ZNF320: variants seen among roughly 807,000 people sequenced by gnomAD.
ZNF320 encodes zinc finger protein 320, also known as zinc finger gene 320.
A neutral mutation model predicts 6.8 loss-of-function variants in ZNF320; 2 were observed. That is an observed-to-expected ratio of 0.29 (90% CI 0.12 to 0.93). The LOEUF is 0.93. ZNF320 is among the 40% of genes least tolerant of loss of function. The pLI is 0.55. For synonymous variants in ZNF320, 208 were observed against 203.2 expected (o/e 1.02, Z -0.20); for missense variants, 472 against 611.0 (o/e 0.77, Z 2.40).
chr19:52,864,109 C>A lies in ZNF320; in HGVS notation c.274G>T (p.Glu92Ter). Residue 92 changes from glutamate (E) to a stop codon, truncating the protein, a stop_gained, in exon 6 of 6, where the codon GAA (glutamate) becomes TAA (stop). Coordinates refer to the ZNF320 transcript ENST00000673631. LOFTEE classifies it low-confidence loss of function (END_TRUNC). Reference sequence around the variant, plus strand: ...CGTTCTGTGCAGGGTCCAGGCGTTTCCACTCCAGCAAAGAGAACTCTATAG... The same window carrying A: ...CGTTCTGTGCAGGGTCCAGGCGTTTACACTCCAGCAAAGAGAACTCTATAG... 1 of 341,724 alleles carries A rather than the reference C, an allele frequency of 2.9e-6. No individual in the cohort carries two copies. The highest frequency in any genetic ancestry group is 4.4e-4 in the Middle Eastern group (1 of 2,254). The allele number at this position is 341,724 out of a possible 1,614,324, so 21.2% of individuals were successfully genotyped here. A position where few individuals can be genotyped will look rare whatever the true frequency, so the allele number is the denominator to read the frequency against.
chr19:52,899,077 T>C (rs1476716900), upstream of ZNF320, among the ~76,000 whole-genome samples: 2 of 152,224 alleles, frequency 1.3e-5, no homozygotes, highest in Admixed American at 6.5e-5. Context: ...TTTTGTGTAA[T>C]AGATTGATAG....
chr19:52,870,477 CAAA>C (rs35010241), intron 5 of ZNF320, among the ~76,000 whole-genome samples: 11 of 89,470 alleles, frequency 1.2e-4, no homozygotes, highest in Admixed American at 2.6e-4. Context: ...GACTCCGTCT[CAAA>C]AAAAAAAAAA....
chr19:52,880,594 T>A lies in ZNF320; in HGVS notation c.*2A>T. On this transcript the variant is annotated 3_prime_UTR_variant, in exon 6 of 6. Transcript: ENST00000682928. ...CAGGTCAATGCTGATTTGACTCTGA[T>A]GTCAATTAATGCTTGATGGTTTGCT... 1 of 1,589,502 alleles carries A rather than the reference T, an allele frequency of 6.3e-7. No individual in the cohort carries two copies. The highest frequency in any genetic ancestry group is 8.5e-7 in the Non-Finnish European group (1 of 1,169,664).
intron 3 of ZNF320, among the ~76,000 whole-genome samples, chr19:52,890,822 C>T (rs1216841881): frequency 6.6e-6 from 1 of 151,942 alleles, no homozygotes; most frequent in African/African-American, 2.4e-5. Flanking sequence ...CGAGACCAGC[C>T]TGGCCAACAT....
At chr19:52,889,992 C>T (rs764248989) in intron 4 of ZNF320, among the ~76,000 whole-genome samples, 4 of 152,140 alleles carry the variant, frequency 2.6e-5, no homozygotes, top group East Asian at 1.9e-4. Context: ...ACCCTCACCC[C>T]GTCTCCATCC....
chr19:52,869,526 TA>T (rs2063640900), intron 5 of ZNF320, among the ~76,000 whole-genome samples: 1 of 151,982 alleles, frequency 6.6e-6, no homozygotes, highest in African/African-American at 2.4e-5. Context: ...ACAATAATAA[TA>T]ATAATGACAG....
chr19:52,869,438 G>T (rs2063639061), intron 5 of ZNF320, among the ~76,000 whole-genome samples: 1 of 152,206 alleles, frequency 6.6e-6, no homozygotes, highest in Admixed American at 6.5e-5. Flanking sequence ...TGGATGTGAA[G>T]AATTCCCTGG....
intron 5 of ZNF320, among the ~76,000 whole-genome samples, chr19:52,866,239 T>C (rs1384626414): frequency 1.4e-5 from 2 of 146,594 alleles, no homozygotes; most frequent in Non-Finnish European, 3.0e-5. Context: ...TATACATATA[T>C]ATATATATAA....
At chr19:52,896,092 T>A (rs575471537) in intron 1 of ZNF320, among the ~76,000 whole-genome samples, 2 of 152,202 alleles carry the variant, frequency 1.3e-5, no homozygotes, top group Non-Finnish European at 2.9e-5. Flanking sequence ...ATTTGAAAAG[T>A]AGTTATCTTA....
At chr19:52,872,970 G>A (rs1474033997), downstream of ZNF320, among the ~76,000 whole-genome samples, 1 of 152,146 alleles carries the variant, frequency 6.6e-6, no homozygotes, top group Non-Finnish European at 1.5e-5. Flanking sequence ...TGTAGGCCAG[G>A]TTTATGTTTG....
chr19:52,899,467 T>A (rs1416126336), upstream of ZNF320, among the ~76,000 whole-genome samples: 1 of 152,170 alleles, frequency 6.6e-6, no homozygotes, highest in Non-Finnish European at 1.5e-5. Flanking sequence ...ATAGCATTTC[T>A]TTTTCTTTTT....
chr19:52,889,512 A>C (rs1248949221), intron 4 of ZNF320, among the ~76,000 whole-genome samples: 5 of 152,154 alleles, frequency 3.3e-5, no homozygotes, highest in Non-Finnish European at 4.4e-5. Context: ...CTCTAGGATA[A>C]AAAAGAAGTA....
chr19:52,865,716 T>C (rs1434456325), intron 5 of ZNF320, among the ~76,000 whole-genome samples: 1 of 128,122 alleles, frequency 7.8e-6, no homozygotes, highest in Non-Finnish European at 1.5e-5. Flanking sequence ...TATATGATTA[T>C]ACACATATTT....
exon 6 of ZNF320, among the ~76,000 whole-genome samples, chr19:52,861,612 C>T (rs907765936): frequency 3.9e-5 from 6 of 152,098 alleles, no homozygotes; most frequent in Non-Finnish European, 8.8e-5. Flanking sequence ...CATGAGCCAC[C>T]GTGCCTGGCC....
intron 5 of ZNF320, among the ~76,000 whole-genome samples, chr19:52,869,153 A>G (rs79009601): frequency 0.071 from 10,469 of 147,474 alleles, 613 homozygotes; most frequent in Admixed American, 0.22. Flanking sequence ...TGAGCTTGGA[A>G]GAAAGTGGAA....
chr19:52,869,095 T>C lies in ZNF320; in HGVS notation c.223+4897A>G, dbSNP rs57572790. ...AATGGGCATGTAGGAGTGAACTTTG[T>C]GCATGCACCTCTGTGGGAATATAAT... On this transcript the variant is annotated intron_variant, in intron 5 of 5. Transcript: ENST00000673631. Among the ~76,000 whole-genome samples the C allele has an allele frequency of 9.2e-3, 1,401 of 151,996 alleles. 16 individuals carry two copies. Among genetic ancestry groups the C allele is most frequent in the African/African-American group, 0.032 (1,320 of 41,396 alleles).
At chr19:52,894,448 A>G (rs974589140) in intron 1 of ZNF320, among the ~76,000 whole-genome samples, 1 of 152,046 alleles carries the variant, frequency 6.6e-6, no homozygotes, top group Non-Finnish European at 1.5e-5. Flanking sequence ...ACACCTGAGC[A>G]AAAGGAATGT....
At chr19:52,869,738 C>G (rs2063645883) in intron 5 of ZNF320, among the ~76,000 whole-genome samples, 1 of 151,694 alleles carries the variant, frequency 6.6e-6, no homozygotes, top group East Asian at 1.9e-4. Flanking sequence ...TTTATAGAGA[C>G]AGAGTCTTCC....
At chr19:52,903,107 A>C in the ZNF320 span, among the ~76,000 whole-genome samples, 1 of 152,132 alleles carries the variant, frequency 6.6e-6, no homozygotes, top group Non-Finnish European at 1.5e-5. Context: ...CAATAATAGG[A>C]GGCCTTATTA....
Sources: allele counts gnomAD v4.1 joint callset (sites outside exome capture counted in the v4.1 genomes callset), GRCh38; gene constraint gnomAD v4.1.1; transcripts MANE v1.5; gene names NCBI Gene and HGNC (gene_info 2026-07-23, HGNC 2026-07-21).